The following ATIC variants were observed in gnomAD, a reference collection of about 807,000 sequenced individuals.
ATIC encodes the protein 5-aminoimidazole-4-carboxamide ribonucleotide formyltransferase/IMP cyclohydrolase.
ATIC carries 64 observed loss-of-function variants against 72.5 expected under a neutral mutation model. The observed-to-expected ratio is 0.88, with a 90% CI of 0.72 to 1.09. The LOEUF (loss-of-function observed/expected upper bound fraction) is 1.09, where lower values mean the gene tolerates loss of function less well. Among genes scored for constraint, ATIC ranks in the 50% least tolerant of loss-of-function variants. The pLI, the probability that ATIC is intolerant of heterozygous loss-of-function variation, is 0.00. For synonymous variants in ATIC, 281 were observed against 267.1 expected, an observed-to-expected ratio of 1.05 and a Z score of -0.51; for missense variants, 787 against 732.4, an observed-to-expected ratio of 1.07 and a Z score of -0.86.
At chr2:215,332,881 AT>A (rs1342133643) in intron 8 of ATIC, among the ~76,000 whole-genome samples, 3 of 152,176 alleles carry the variant, frequency 2.0e-5, no homozygotes, top group Non-Finnish European at 4.4e-5. Context: ...GTTGTATGAG[AT>A]ACTTTGCTTC....
Position 215,348,291 on chromosome 2 carries a change from A to G in ATIC, c.1504-803A>G, listed in dbSNP as rs116415716. 2.4e-3 allele frequency among the ~76,000 whole-genome samples: 360 copies of G among 152,236 alleles called. 1 individual carries two copies. The highest frequency in any genetic ancestry group is 8.2e-3 in the African/African-American group (339 of 41,534). On this transcript the variant is annotated intron_variant, in intron 14 of 15. Coordinates refer to ENST00000236959, the MANE Select transcript of ATIC (RefSeq NM_004044.7). ...TTTGTATAAATGTAGTTAAAGAACT[A>G]CTCATCTCTTTCCTAGATTGGATAT... is the stretch of plus-strand genomic sequence containing the variant.
At chr2:215,314,951 C>T (rs2105989144) in intron 2 of ATIC, among the ~76,000 whole-genome samples, 1 of 152,030 alleles carries the variant, frequency 6.6e-6, no homozygotes, top group African/African-American at 2.4e-5. Context: ...GAATGAAGAC[C>T]CAAAGACAGA....
intron 2 of ATIC, among the ~76,000 whole-genome samples, chr2:215,312,952 G>A (rs1346580875): frequency 6.6e-6 from 1 of 152,078 alleles, no homozygotes; most frequent in Non-Finnish European, 1.5e-5. Flanking sequence ...ACAAAAATTA[G>A]CCGGTATGGT....
intron 12 of ATIC, among the ~76,000 whole-genome samples, chr2:215,343,654 GT>G (rs1003563838): frequency 3.3e-5 from 5 of 152,130 alleles, no homozygotes; most frequent in Admixed American, 2.6e-4. Context: ...AGTTTTTAAA[GT>G]TTTTTTATGT....
chr2:215,337,864 A>G (rs1225861989), intron 11 of ATIC, among the ~76,000 whole-genome samples: 1 of 152,208 alleles, frequency 6.6e-6, no homozygotes, highest in Non-Finnish European at 1.5e-5. Flanking sequence ...TTATTTGAGA[A>G]TTTGGCTTAG....
intron 2 of ATIC, among the ~76,000 whole-genome samples, chr2:215,314,958 CA>C (rs2105989154): frequency 6.6e-6 from 1 of 152,210 alleles, no homozygotes; most frequent in Admixed American, 6.5e-5. Flanking sequence ...GACCCAAAGA[CA>C]GAGGAAAAAC....
intron 11 of ATIC, among the ~76,000 whole-genome samples, chr2:215,336,996 G>A (rs1304242058): frequency 6.6e-6 from 1 of 151,814 alleles, no homozygotes; most frequent in Non-Finnish European, 1.5e-5. Context: ...TGTGGTATGA[G>A]CATCTTTTCA....
intron 13 of ATIC, among the ~76,000 whole-genome samples, chr2:215,345,820 C>T (rs2053065286): frequency 1.3e-5 from 2 of 152,170 alleles, no homozygotes; most frequent in Admixed American, 1.3e-4. Context: ...TTTGTGGTCT[C>T]TTTTATTCTC....
chr2:215,344,938 C>T, intron 13 of ATIC, 67 bp downstream of exon 13: 1 of 1,483,576 alleles, frequency 6.7e-7, no homozygotes, highest in South Asian at 1.2e-5. Context: ...AAACATCCGT[C>T]TGCCTTAGAT....
chr2:215,346,228 C>G (rs575641905), intron 13 of ATIC, among the ~76,000 whole-genome samples: 1 of 152,284 alleles, frequency 6.6e-6, no homozygotes, highest in South Asian at 2.1e-4. Context: ...GTGACATGAT[C>G]ATAGCTCATT....
At chr2:215,368,162 TG>T in the ATIC span, 1 of 977,954 alleles carries the variant, frequency 1.0e-6, no homozygotes, top group Non-Finnish European at 1.6e-6. Context: ...GGCATTCATC[TG>T]TTCTATCAAG....
the ATIC span, chr2:215,365,386 A>C: frequency 9.3e-6 from 10 of 1,078,188 alleles, no homozygotes; most frequent in African/African-American, 1.4e-4. Flanking sequence ...TAAGAAACCC[A>C]CTGTTCACTC....
intron 5 of ATIC, 31 bp from the exon 6 acceptor site, chr2:215,325,955 AC>A (rs2052819157): frequency 6.2e-7 from 1 of 1,613,030 alleles, no homozygotes; most frequent in Non-Finnish European, 8.5e-7. Context: ...ATAGGGACAT[AC>A]AAAAATCAAT....
intron 2 of ATIC, 127 bp downstream of exon 2, chr2:215,312,751 C>A (rs2052667940): frequency 7.0e-7 from 1 of 1,421,212 alleles, no homozygotes; most frequent in Non-Finnish European, 9.7e-7. Context: ...TGGTGTAATA[C>A]TTCCCCACTT....
At chr2:215,338,684 A>G (rs1015856599) in intron 11 of ATIC, 95 bp from the exon 12 acceptor site, 37 of 1,353,344 alleles carry the variant, frequency 2.7e-5, no homozygotes, top group Non-Finnish European at 3.6e-5. Flanking sequence ...CATGCATATA[A>G]CTTTACTTAC....
chr2:215,330,172 A>G (rs2052875754), intron 7 of ATIC, among the ~76,000 whole-genome samples: 1 of 152,114 alleles, frequency 6.6e-6, no homozygotes, highest in Non-Finnish European at 1.5e-5. Context: ...AGTTGTACAT[A>G]TGGTGTTTTG....
downstream of ATIC, among the ~76,000 whole-genome samples, chr2:215,353,091 T>A (rs1443052961): frequency 3.3e-5 from 5 of 152,252 alleles, no homozygotes; most frequent in Non-Finnish European, 5.9e-5. Context: ...TATTTGAGGT[T>A]AAAAACACGG....
chr2:215,320,166 T>G (rs1035144813), intron 4 of ATIC, among the ~76,000 whole-genome samples: 2 of 152,210 alleles, frequency 1.3e-5, no homozygotes, highest in African/African-American at 2.4e-5. Flanking sequence ...TTAGGAATTA[T>G]CAACTTGCAC....
At chr2:215,364,280 G>A in the ATIC span, 11 of 177,298 alleles carry the variant, frequency 6.2e-5, no homozygotes, top group African/African-American at 4.8e-5. Context: ...GTTAAAAGAA[G>A]TGGCATTTTC....
Sources: gnomAD v4.1 joint callset for allele counts (sites outside exome capture counted in the v4.1 genomes callset) on GRCh38, gnomAD v4.1.1 for gene constraint, MANE v1.5 for transcripts, NCBI Gene and HGNC (gene_info 2026-07-23, HGNC 2026-07-21) for gene names.